Variants in LMNTD1 observed in about 807,000 individuals in gnomAD.
The protein encoded by LMNTD1 is lamin tail domain containing 1.
In LMNTD1, 35 loss-of-function variants were observed where a neutral mutation model predicts 50.9. That is an observed-to-expected ratio of 0.69 (90% CI 0.53 to 0.91). The LOEUF (loss-of-function observed/expected upper bound fraction) is 0.91, where lower values mean the gene tolerates loss of function less well. LMNTD1 is among the 40% of genes least tolerant of loss of function. The pLI is 0.00. For synonymous variants in LMNTD1, 153 were observed against 161.9 expected (o/e 0.94, Z 0.42); for missense variants, 470 against 475.5 (o/e 0.99, Z 0.11).
chr12:25,595,918 C>T (rs1945834790), intron 1 of LMNTD1, among the ~76,000 whole-genome samples: 1 of 151,990 alleles, frequency 6.6e-6, no homozygotes, highest in Non-Finnish European at 1.5e-5. Flanking sequence ...TTATAAATGA[C>T]ACCACAGAAA....
intron 4 of LMNTD1, among the ~76,000 whole-genome samples, chr12:25,539,670 A>G (rs1472474479): frequency 6.6e-6 from 1 of 151,036 alleles, no homozygotes; most frequent in Non-Finnish European, 1.5e-5. Context: ...AAGAACTAGA[A>G]AAGCAAGAGC....
At chr12:25,560,056 A>T (rs1944231975) in intron 1 of LMNTD1, among the ~76,000 whole-genome samples, 2 of 152,082 alleles carry the variant, frequency 1.3e-5, no homozygotes, top group Non-Finnish European at 2.9e-5. Flanking sequence ...ATTAGATCCC[A>T]TTTGTCAATT....
chr12:25,551,159 C>T (rs17422539), intron 2 of LMNTD1, among the ~76,000 whole-genome samples: 15,148 of 152,274 alleles, frequency 0.099, 908 homozygotes, highest in East Asian at 0.2. Context: ...ATGCTTTTCT[C>T]TTTCAACATT....
At chr12:25,630,429 C>T (rs912036697) in intron 1 of LMNTD1, among the ~76,000 whole-genome samples, 13 of 152,074 alleles carry the variant, frequency 8.5e-5, no homozygotes, top group Admixed American at 2.0e-4. Flanking sequence ...CCCGAGAAGA[C>T]GCACAGACCC....
intron 6 of LMNTD1, among the ~76,000 whole-genome samples, chr12:25,521,962 C>T (rs973879871): frequency 6.6e-6 from 1 of 152,160 alleles, no homozygotes; most frequent in South Asian, 2.1e-4. Flanking sequence ...AGTTATATTT[C>T]TATTCAACAT....
intron 4 of LMNTD1, among the ~76,000 whole-genome samples, chr12:25,539,243 C>G (rs1482989798): frequency 6.7e-6 from 1 of 149,202 alleles, no homozygotes; most frequent in Non-Finnish European, 1.5e-5. Context: ...ATCTACAGAA[C>G]TCTCCACCCC....
intron 8 of LMNTD1, among the ~76,000 whole-genome samples, chr12:25,508,070 C>T (rs528104144): frequency 1.3e-5 from 2 of 151,578 alleles, no homozygotes; most frequent in Admixed American, 6.6e-5. Context: ...TGTCCATGCT[C>T]ATTAATGGAA....
intron 1 of LMNTD1, among the ~76,000 whole-genome samples, chr12:25,613,223 G>A (rs1303906748): frequency 6.6e-6 from 1 of 152,178 alleles, no homozygotes; most frequent in African/African-American, 2.4e-5. Flanking sequence ...TGTTATAGTA[G>A]CAACAGAAAG....
chr12:25,644,539 A>C (rs746770627), intron 1 of LMNTD1, among the ~76,000 whole-genome samples: 1 of 152,130 alleles, frequency 6.6e-6, no homozygotes, highest in Admixed American at 6.6e-5. Context: ...CAGAAACAAC[A>C]ACCACCAAAA....
At chr12:25,548,806 C>T (rs1365881747) in intron 3 of LMNTD1, among the ~76,000 whole-genome samples, 1 of 151,922 alleles carries the variant, frequency 6.6e-6, no homozygotes, top group Non-Finnish European at 1.5e-5. Flanking sequence ...GATCATAGTA[C>T]TGTTTTCATT....
chr12:25,594,529 C>A (rs1167729101), intron 1 of LMNTD1, among the ~76,000 whole-genome samples: 1 of 151,850 alleles, frequency 6.6e-6, no homozygotes, highest in Non-Finnish European at 1.5e-5. Context: ...TTCGCCACTA[C>A]CAAGCTGAAA....
chr12:25,610,473 T>C (rs970787534), intron 1 of LMNTD1, among the ~76,000 whole-genome samples: 3 of 152,148 alleles, frequency 2.0e-5, no homozygotes, highest in Non-Finnish European at 2.9e-5. Flanking sequence ...CATCTTGGAA[T>C]GGACCCCGCA....
chr12:25,617,403 T>C (rs1946372178), intron 1 of LMNTD1, among the ~76,000 whole-genome samples: 2 of 152,130 alleles, frequency 1.3e-5, no homozygotes, highest in African/African-American at 2.4e-5. Context: ...AAGGCAGGTG[T>C]CTACTGTAGA....
At chr12:25,530,820 G>A (rs1008643055) in intron 4 of LMNTD1, among the ~76,000 whole-genome samples, 28 of 152,134 alleles carry the variant, frequency 1.8e-4, no homozygotes, top group African/African-American at 5.8e-4. Context: ...ATGGCAAAAA[G>A]GACTTTGCAG....
chr12:25,481,754 G>A (rs547654259), intron 9 of LMNTD1, among the ~76,000 whole-genome samples: 2 of 151,060 alleles, frequency 1.3e-5, no homozygotes, highest in African/African-American at 4.9e-5. Context: ...TATCTTGTGT[G>A]ACGGCTGTGG....
At chr12:25,498,084 T>C (rs992528549) in intron 9 of LMNTD1, among the ~76,000 whole-genome samples, 2 of 152,150 alleles carry the variant, frequency 1.3e-5, no homozygotes, top group Non-Finnish European at 2.9e-5. Context: ...CTACAAGGAA[T>C]AGGCAGGATA....
At chr12:25,598,453 A>AC (rs1337543764) in intron 1 of LMNTD1, among the ~76,000 whole-genome samples, 2 of 152,054 alleles carry the variant, frequency 1.3e-5, no homozygotes, top group Admixed American at 6.6e-5. Flanking sequence ...AAGAACTAGA[A>AC]AAGTAAGAGC....
intron 9 of LMNTD1, among the ~76,000 whole-genome samples, chr12:25,487,499 C>G (rs1430652018): frequency 7.0e-6 from 1 of 142,442 alleles, no homozygotes; most frequent in Non-Finnish European, 1.5e-5. Flanking sequence ...AGATCTTCCT[C>G]CATCCTTTTA....
At chr12:25,636,962 A>G (rs1475927983) in intron 1 of LMNTD1, among the ~76,000 whole-genome samples, 6 of 148,170 alleles carry the variant, frequency 4.0e-5, no homozygotes, top group South Asian at 2.2e-4. Context: ...CATAAGAATG[A>G]TACAATGGAC....
Sources: gnomAD v4.1 joint callset for allele counts (sites outside exome capture counted in the v4.1 genomes callset) on GRCh38, gnomAD v4.1.1 for gene constraint, MANE v1.5 for transcripts, NCBI Gene and HGNC (gene_info 2026-07-23, HGNC 2026-07-21) for gene names.